The following MTUS2 variants were observed in gnomAD, a reference collection of about 807,000 sequenced individuals.
MTUS2 encodes the protein microtubule-associated tumor suppressor candidate 2.
Under a neutral mutation model 114.1 loss-of-function variants are expected in MTUS2, and 40 were observed. The ratio of observed to expected loss-of-function variants is 0.35; its 90% CI spans 0.27 to 0.46. The LOEUF (loss-of-function observed/expected upper bound fraction) is 0.46. MTUS2 is among the 20% of genes least tolerant of loss of function. The pLI is 1.00. For missense variants in MTUS2, 1,679 were observed against 1,705.4 expected, an observed-to-expected ratio of 0.98 and a Z score of 0.27; for synonymous variants, 688 against 672.0, an observed-to-expected ratio of 1.02 and a Z score of -0.37.
chr13:29,000,280 T>C (rs1885324523), intron 2 of MTUS2, among the ~76,000 whole-genome samples: 1 of 152,212 alleles, frequency 6.6e-6, no homozygotes, highest in Admixed American at 6.5e-5. Context: ...CTTTTGTTTA[T>C]CTGGGAATGT....
chr13:29,371,977 C>CG lies in MTUS2; in HGVS notation c.3117+12504_3117+12505insG, dbSNP rs1491202869. 6.9e-4 allele frequency among the ~76,000 whole-genome samples: 5 copies of CG among 7,228 alleles called. 1 individual carries two copies. Among genetic ancestry groups the CG allele is most frequent in the Non-Finnish European group, 1.7e-3 (3 of 1,818 alleles). The allele number at this position is 7,228 out of a possible 152,430, so 4.7% of individuals were successfully genotyped here. A position where few individuals can be genotyped will look rare whatever the true frequency, so the allele number is the denominator to read the frequency against. On this transcript the variant is annotated intron_variant, in intron 8 of 15. Coordinates refer to ENST00000612955, the MANE Select transcript of MTUS2 (RefSeq NM_001033602.4). ...AGATCTTAAGTGTCCTCAACCCCCGCCCCCCCCCCCACACACACACACAAG... is the reference window on the plus strand; with the variant it reads ...AGATCTTAAGTGTCCTCAACCCCCGCGCCCCCCCCCCACACACACACACAAG...
intron 2 of MTUS2, among the ~76,000 whole-genome samples, chr13:29,012,825 G>T (rs8000492): frequency 0.5 from 76,377 of 151,456 alleles, 19,400 homozygotes; most frequent in South Asian, 0.72. Flanking sequence ...AGTGAGCCGA[G>T]ATCGCACCAC....
intron 4 of MTUS2, among the ~76,000 whole-genome samples, chr13:29,046,653 G>T (rs1372240341): frequency 6.6e-6 from 1 of 152,174 alleles, no homozygotes; most frequent in Admixed American, 6.5e-5. Context: ...AAATAGACTT[G>T]TGGGATATGG....
chr13:28,949,292 ATGG>A (rs1198076503), intron 2 of MTUS2, among the ~76,000 whole-genome samples: 1 of 150,198 alleles, frequency 6.7e-6, no homozygotes, highest in African/African-American at 2.5e-5. Context: ...TTTACCCTGA[ATGG>A]TAGCCAGTGG....
chr13:29,298,272 G>A (rs1387046304), intron 6 of MTUS2, among the ~76,000 whole-genome samples: 1 of 152,138 alleles, frequency 6.6e-6, no homozygotes, highest in East Asian at 1.9e-4. Context: ...TAAAAAATGA[G>A]TAACTGATAC....
At chr13:28,919,985 A>C (rs1315987993) in intron 2 of MTUS2, among the ~76,000 whole-genome samples, 1 of 152,018 alleles carries the variant, frequency 6.6e-6, no homozygotes, top group African/African-American at 2.4e-5. Context: ...TGTTATCTTG[A>C]TTTCTTTGAG....
At chr13:29,400,817 T>C (rs1874274338) in intron 8 of MTUS2, among the ~76,000 whole-genome samples, 1 of 152,246 alleles carries the variant, frequency 6.6e-6, no homozygotes, top group African/African-American at 2.4e-5. Context: ...GTTATACTTG[T>C]TAAGAATGTC....
intron 7 of MTUS2, among the ~76,000 whole-genome samples, chr13:29,336,884 T>G (rs1304591374): frequency 6.6e-6 from 1 of 152,208 alleles, no homozygotes; most frequent in Non-Finnish European, 1.5e-5. Flanking sequence ...ACAGCGGCTT[T>G]GCAGCACTGA....
At chr13:29,168,318 G>A (rs1314140900) in intron 5 of MTUS2, among the ~76,000 whole-genome samples, 1 of 152,034 alleles carries the variant, frequency 6.6e-6, no homozygotes, top group African/African-American at 2.4e-5. Context: ...AAAGCACCTT[G>A]TTCCATAGCC....
chr13:28,869,510 T>C (rs1299563322), intron 2 of MTUS2, among the ~76,000 whole-genome samples: 1 of 152,184 alleles, frequency 6.6e-6, no homozygotes, highest in Admixed American at 6.5e-5. Flanking sequence ...CAGTGGCTTA[T>C]ACCTGTAATC....
intron 5 of MTUS2, among the ~76,000 whole-genome samples, chr13:29,257,287 A>G (rs1897311598): frequency 6.6e-6 from 1 of 152,206 alleles, no homozygotes; most frequent in African/African-American, 2.4e-5. Context: ...AAACTCCCTA[A>G]TGCCACCACA....
intron 2 of MTUS2, among the ~76,000 whole-genome samples, chr13:28,964,003 A>T (rs754188224): frequency 6.6e-6 from 1 of 152,108 alleles, no homozygotes. Context: ...TACTTTCCCC[A>T]TAAGTCTTCC....
chr13:29,275,565 G>A (rs1898033817), intron 5 of MTUS2, among the ~76,000 whole-genome samples: 1 of 152,046 alleles, frequency 6.6e-6, no homozygotes, highest in South Asian at 2.1e-4. Context: ...ACTCTTATCT[G>A]TATGTGTTCA....
rs754764857 is a variant in MTUS2, at chr13:29,026,718, T to A, written c.2020T>A (p.Cys674Ser). 2 of 1,613,952 alleles carry A rather than the reference T, an allele frequency of 1.2e-6. No individual in the cohort carries two copies. Among genetic ancestry groups the A allele is most frequent in the African/African-American group, 1.3e-5 (1 of 75,028 alleles). Reference sequence around the variant, plus strand: ...GGGGCTTCCATATGCCCCGCCCACATGTACCATGCCTCTTCCCCACGAAGA... The same window carrying A: ...GGGGCTTCCATATGCCCCGCCCACAAGTACCATGCCTCTTCCCCACGAAGA... Reference protein sequence around the residue: ...PVGLPYAPPTCTMPLPHEEKA... With the variant: ...PVGLPYAPPTSTMPLPHEEKA... Residue 674 changes from cysteine to serine, a missense_variant, in exon 3 of 16, where the codon TGT becomes AGT. Cys to Ser is a moderately radical substitution (Grantham distance 112, BLOSUM62 -1). Transcript: ENST00000612955.
intron 1 of MTUS2, among the ~76,000 whole-genome samples, chr13:28,827,555 G>A (rs1874349087): frequency 6.6e-6 from 1 of 152,160 alleles, no homozygotes; most frequent in Non-Finnish European, 1.5e-5. Context: ...AACAATAAAA[G>A]CAGGAATGTG....
intron 5 of MTUS2, among the ~76,000 whole-genome samples, chr13:29,192,487 G>T (rs565165076): frequency 1.1e-4 from 16 of 152,066 alleles, no homozygotes; most frequent in Non-Finnish European, 2.1e-4. Context: ...CTGTAGCACT[G>T]AACAATTAAT....
chr13:29,238,052 T>C (rs1168438949), intron 5 of MTUS2, among the ~76,000 whole-genome samples: 1 of 152,190 alleles, frequency 6.6e-6, no homozygotes, highest in Non-Finnish European at 1.5e-5. Context: ...TCCAGCAACC[T>C]CATGACAGGG....
chr13:29,025,000 C>T lies in MTUS2; in HGVS notation c.302C>T (p.Ser101Phe). Reference protein sequence around the residue: ...GSASLKDFRLSSTIQRELNEE... With the variant: ...GSASLKDFRLFSTIQRELNEE... The stretch of plus-strand genomic sequence containing the variant: ...GCCAGCCTGAAAGATTTTAGACTTT[C>T]TTCAACCATTCAGAGGGAACTCAAT... The change falls in exon 3 of 16, where the codon TCT becomes TTT. Residue 101 changes from serine (S) to phenylalanine (F), a missense_variant. Physicochemically the swap from Ser to Phe is radical, Grantham distance 155 (BLOSUM62 -2). Around this residue, in one of 3 missense-constraint regions of MTUS2, gnomAD observed 843 missense variants for 770.8 expected, o/e 1.09. Transcript: ENST00000612955. 2 of 1,613,958 alleles carry T rather than the reference C, an allele frequency of 1.2e-6. No homozygotes were observed. The highest frequency in any genetic ancestry group is 1.7e-6 in the Non-Finnish European group (2 of 1,179,894).
chr13:29,428,644 C>T (rs914798724), intron 8 of MTUS2: 12 of 619,812 alleles, frequency 1.9e-5, no homozygotes, highest in Non-Finnish European at 2.6e-5. Flanking sequence ...ATCGCTGCTG[C>T]CCTGCTCTCC....
Sources: gnomAD v4.1 joint callset for allele counts (sites outside exome capture counted in the v4.1 genomes callset) on GRCh38, gnomAD v4.1.1 for gene constraint, gnomAD v4.1.1 regional missense constraint, MANE v1.5 for transcripts, NCBI Gene and HGNC (gene_info 2026-07-23, HGNC 2026-07-21) for gene names.